The following ZNF660 variants were observed in gnomAD, a reference collection of about 807,000 sequenced individuals.
ZNF660 encodes zinc finger protein 660.
Under a neutral mutation model 23.2 loss-of-function variants are expected in ZNF660, and 24 were observed. That is an observed-to-expected ratio of 1.04 (90% CI 0.75 to 1.46). The LOEUF (loss-of-function observed/expected upper bound fraction) is 1.46. Among genes scored for constraint, ZNF660 ranks in the 40% most tolerant of loss-of-function variants. ZNF660 has a pLI of 0.00. For missense variants in ZNF660, 373 were observed against 396.8 expected, an observed-to-expected ratio of 0.94 and a Z score of 0.51; for synonymous variants, 117 against 131.4, an observed-to-expected ratio of 0.89 and a Z score of 0.75.
At position 44,594,730 on chromosome 3, in the gene ZNF660, A is replaced by C. The variant is rs754518204; in HGVS notation, c.537A>C (p.Gln179His). Residue 179 changes from glutamine to histidine, a missense_variant, in exon 3 of 3, where the codon CAA becomes CAC. Transcript: ENST00000322734. ...KAFSRSSNLT[Q>H]HQRMHRGKKV... ...TTAGCCGTAGTTCAAACCTTACTCA[A>C]CATCAGCGAATGCACAGAGGAAAAA... 5.0e-6 allele frequency: 8 copies of C among 1,614,016 alleles called. No individual in the cohort carries two copies. In the African/African-American group the frequency reaches 8.0e-5, roughly 16 times the overall value.
intron 2 of ZNF660, among the ~76,000 whole-genome samples, chr3:44,588,133 T>C (rs141969987): frequency 2.6e-5 from 4 of 152,324 alleles, no homozygotes; most frequent in African/African-American, 9.6e-5. Context: ...ATTGACTCAC[T>C]GTTCTGCAGG....
At position 44,595,803 on chromosome 3, in the gene ZNF660, A is replaced by G. The variant is rs1490750849; in HGVS notation, c.*614A>G. ...GGATTGCACCCTGACACTGGCATTT[A>G]GCAGCAGTGGAACCGCGAGCAAGTC... On this transcript the variant is annotated 3_prime_UTR_variant, in exon 3 of 3. Transcript: ENST00000322734. 6.0e-6 allele frequency: 1 copy of G among 167,140 alleles called. No homozygotes were observed. Among genetic ancestry groups the G allele is most frequent in the Non-Finnish European group, 1.5e-5 (1 of 68,134 alleles). The allele number at this position is 167,140 out of a possible 1,614,324, so 10.4% of individuals were successfully genotyped here.
intron 2 of ZNF660, among the ~76,000 whole-genome samples, chr3:44,591,679 A>G (rs1189860891): frequency 6.6e-6 from 1 of 152,212 alleles, no homozygotes; most frequent in East Asian, 1.9e-4. Context: ...TTAAATAGCA[A>G]TGTGGAAAAA....
In ZNF660 at chr3:44,594,596, G is replaced by C; in HGVS notation, c.403G>C (p.Glu135Gln). ...QGIHSGEKTY[E>Q]CKECGKAFSR... is the part of the protein sequence containing the mutation. ...AATCCACAGTGGGGAGAAAACTTATGAATGTAAAGAGTGTGGGAAAGCCTT... is the reference window on the plus strand; with the variant it reads ...AATCCACAGTGGGGAGAAAACTTATCAATGTAAAGAGTGTGGGAAAGCCTT... The change falls in exon 3 of 3, where the codon GAA becomes CAA. Residue 135 changes from glutamate (E) to glutamine (Q), a missense_variant. Glu to Gln is a conservative substitution (Grantham distance 29). Coordinates refer to ENST00000322734, the MANE Select transcript of ZNF660 (RefSeq NM_173658.4). 1 of 1,614,132 alleles carries C rather than the reference G, an allele frequency of 6.2e-7. No homozygotes were observed. The highest frequency in any genetic ancestry group is 1.1e-5 in the South Asian group (1 of 91,076).
Position 44,594,895 on chromosome 3 carries a change from T to A in ZNF660, c.702T>A (p.Asn234Lys), listed in dbSNP as rs1477565284. ...CTTTCATCTTAAGGAAAACTCTTAA[T>A]GAACACCAGAGACTTCATCGTAGAG... Reference protein sequence around the residue: ...GKTFILRKTLNEHQRLHRREK... With the variant: ...GKTFILRKTLKEHQRLHRREK... Residue 234 changes from asparagine to lysine, a missense_variant, in exon 3 of 3, where the codon AAT becomes AAA. By Grantham distance (94) the Asn-to-Lys change is moderately conservative. Coordinates refer to ENST00000322734, the MANE Select transcript of ZNF660 (RefSeq NM_173658.4). 1 of 1,614,112 alleles carries A rather than the reference T, an allele frequency of 6.2e-7. No homozygotes were observed. The highest frequency in any genetic ancestry group is 2.2e-5 in the East Asian group (1 of 44,872).
At position 44,596,756 on chromosome 3, in the gene ZNF660, G is replaced by A. The variant is rs969157190; in HGVS notation, c.*1567G>A. The A allele has an allele frequency of 6.6e-6, 1 of 152,206 alleles. No individual in the cohort carries two copies. Among genetic ancestry groups the A allele is most frequent in the African/African-American group, 2.4e-5 (1 of 41,434 alleles). 9.4% of individuals were successfully genotyped at this position (152,206 alleles called of 1,614,324 possible). A position where few individuals can be genotyped will look rare whatever the true frequency, so the allele number is the denominator to read the frequency against. On this transcript the variant is annotated 3_prime_UTR_variant, in exon 3 of 3. Coordinates refer to ENST00000322734, the MANE Select transcript of ZNF660 (RefSeq NM_173658.4). The stretch of plus-strand genomic sequence containing the variant: ...AAAGGAGCTGAGGCTTTCTCATCTG[G>A]TTTCTTCCTTTTGTCACTGAGAAAA...
At chr3:44,593,002 G>A (rs996660629) in intron 2 of ZNF660, among the ~76,000 whole-genome samples, 2 of 151,476 alleles carry the variant, frequency 1.3e-5, no homozygotes, top group Non-Finnish European at 2.9e-5. Context: ...GCAGTGAGCC[G>A]AGATCGTGCC....
chr3:44,594,949 G>A lies in ZNF660; in HGVS notation c.756G>A (p.Gly252=), dbSNP rs751724015. 4 of 1,614,042 alleles carry A rather than the reference G, an allele frequency of 2.5e-6. No homozygotes were observed. The highest frequency in any genetic ancestry group is 2.5e-6 in the Non-Finnish European group (3 of 1,180,018). ...AACCTTACAAATGTAATGAGTGTGG[G>A]AAGGCTTTTACTTCTAATCGAAACC... ...REKPYKCNEC[G]KAFTSNRNLV... is the part of the protein sequence containing the mutation. The change falls in exon 3 of 3, where the codon GGG becomes GGA. Residue 252 remains glycine, a synonymous_variant. Transcript: ENST00000322734.
chr3:44,589,959 C>CT (rs397876489), intron 2 of ZNF660, among the ~76,000 whole-genome samples: 3,374 of 102,758 alleles, frequency 0.033, 52 homozygotes, highest in East Asian at 0.057. Flanking sequence ...AACCCTGTGC[C>CT]TTTTTTTTTT....
At chr3:44,587,680 G>C (rs1464040637) in intron 2 of ZNF660, among the ~76,000 whole-genome samples, 1 of 152,176 alleles carries the variant, frequency 6.6e-6, no homozygotes, top group Non-Finnish European at 1.5e-5. Flanking sequence ...TCACCACCCT[G>C]GGCTTTCTTA....
In ZNF660 at chr3:44,597,425, G is replaced by A. The variant is rs1039747108; in HGVS notation, c.*2236G>A. 1 of 151,992 alleles carries A rather than the reference G, an allele frequency of 6.6e-6. No homozygotes were observed. Among genetic ancestry groups the A allele is most frequent in the South Asian group, 2.1e-4 (1 of 4,820 alleles). 9.4% of individuals were successfully genotyped at this position (151,992 alleles called of 1,614,324 possible). On this transcript the variant is annotated 3_prime_UTR_variant, in exon 3 of 3. Transcript: ENST00000322734. The surrounding 1 kb of genome is among the most constrained non-coding windows in gnomAD (Gnocchi z 4.1). ...TATATATTTCTTTCTTGCTGTTACC[G>A]GAAAGAAAGAAGTGAAGGGTGAAGG...
chr3:44,593,223 C>G (rs1180946825), intron 2 of ZNF660, among the ~76,000 whole-genome samples: 1 of 152,136 alleles, frequency 6.6e-6, no homozygotes, highest in Non-Finnish European at 1.5e-5. Context: ...AGATGAAATC[C>G]TACTCACAAC....
rs545188545 is a variant in ZNF660 at position 44,597,124 on chromosome 3, C to T, written c.*1935C>T. The T allele has an allele frequency of 2.0e-5, 3 of 152,322 alleles. No homozygotes were observed. The highest frequency in any genetic ancestry group is 4.1e-4 in the South Asian group (2 of 4,826). 9.4% of individuals were successfully genotyped at this position (152,322 alleles called of 1,614,324 possible). ...ATTGAGTGTCATTGAGGTTAGGTGA[C>T]TGGCTAGTAAGTTGTCGGAGCCAGG... On this transcript the variant is annotated 3_prime_UTR_variant, in exon 3 of 3. Coordinates refer to ENST00000322734, the MANE Select transcript of ZNF660 (RefSeq NM_173658.4). The surrounding 1 kb of genome is among the most constrained non-coding windows in gnomAD (Gnocchi z 4.1).
At position 44,598,205 on chromosome 3, in the gene ZNF660, A is replaced by G. The variant is rs1700684788; in HGVS notation, c.*3016A>G. On this transcript the variant is annotated 3_prime_UTR_variant, in exon 3 of 3. Coordinates refer to ENST00000322734, the MANE Select transcript of ZNF660 (RefSeq NM_173658.4). ...GCCCATGCTGGAGTGCAGTGGCGTG[A>G]TCTCAGCTCTCAGCTCACCGCAACC... 1 of 141,432 alleles carries G rather than the reference A, an allele frequency of 7.1e-6. No individual in the cohort carries two copies. The highest frequency in any genetic ancestry group is 7.5e-5 in the Admixed American group (1 of 13,418). 8.8% of individuals were successfully genotyped at this position (141,432 alleles called of 1,614,324 possible).
chr3:44,585,437 T>C lies in ZNF660; in HGVS notation c.-290+430T>C, dbSNP rs1252694812. On this transcript the variant is annotated intron_variant, in intron 1 of 2. Transcript: ENST00000322734. Reference sequence around the variant, plus strand: ...TTGCCCAAGGTTACTCATTCATTCATTGATTCATTCAACAAATATTTATTG... The same window carrying C: ...TTGCCCAAGGTTACTCATTCATTCACTGATTCATTCAACAAATATTTATTG... 3.3e-5 allele frequency among the ~76,000 whole-genome samples: 5 copies of C among 152,204 alleles called. No homozygotes were observed. The East Asian group carries it at 7.7e-4, about 23-fold the overall frequency.
At chr3:44,591,000 C>T (rs530427399) in intron 2 of ZNF660, among the ~76,000 whole-genome samples, 1 of 152,174 alleles carries the variant, frequency 6.6e-6, no homozygotes, top group Non-Finnish European at 1.5e-5. Flanking sequence ...AGTGGCCACC[C>T]GCATTTCTGA....
In ZNF660 at chr3:44,595,356, T is replaced by A; in HGVS notation, c.*167T>A. On this transcript the variant is annotated 3_prime_UTR_variant, in exon 3 of 3. Transcript: ENST00000322734. ...TGTTCATGACAGCATCATATACGAC[T>A]GAAAGAAGAAAACTAGATTTTCAAC... 1 of 719,552 alleles carries A rather than the reference T, an allele frequency of 1.4e-6. No homozygotes were observed. The highest frequency in any genetic ancestry group is 2.1e-6 in the Non-Finnish European group (1 of 479,560). The allele number at this position is 719,552 out of a possible 1,614,324, so 44.6% of individuals were successfully genotyped here.
chr3:44,588,329 A>G (rs749103341), intron 2 of ZNF660, among the ~76,000 whole-genome samples: 73 of 152,294 alleles, frequency 4.8e-4, no homozygotes, highest in Non-Finnish European at 8.5e-4. Flanking sequence ...TCACAAGGAC[A>G]GAACCAAGAG....
At chr3:44,591,760 C>T (rs112950226) in intron 2 of ZNF660, among the ~76,000 whole-genome samples, 11 of 151,980 alleles carry the variant, frequency 7.2e-5, no homozygotes, top group Admixed American at 7.2e-4. Flanking sequence ...TTTGGGAGGC[C>T]GAGGCAGGTG....
Sources: gnomAD v4.1 joint callset for allele counts (sites outside exome capture counted in the v4.1 genomes callset) on GRCh38, gnomAD v4.1.1 for gene constraint, Gnocchi (gnomAD v3.1) non-coding constraint, MANE v1.5 for transcripts, NCBI Gene and HGNC (gene_info 2026-07-23, HGNC 2026-07-21) for gene names.